Variants in ARL8B observed in about 807,000 individuals in gnomAD.
ARL8B encodes the protein ADP-ribosylation factor-like protein 8B.
A neutral mutation model predicts 30.6 loss-of-function variants in ARL8B; 9 were observed. That is an observed-to-expected ratio of 0.29 (90% CI 0.18 to 0.51). ARL8B has a LOEUF of 0.51. ARL8B is among the 20% of genes least tolerant of loss of function. The probability of loss-of-function intolerance (pLI) is 0.97; values close to 1 mark genes in which losing one functional copy is unlikely to be tolerated. For synonymous variants in ARL8B, 74 were observed against 76.0 expected (o/e 0.97, Z 0.14); for missense variants, 130 against 227.2 (o/e 0.57, Z 2.75).
At chr3:5,130,991 A>G (rs964591591) in intron 1 of ARL8B, among the ~76,000 whole-genome samples, 2 of 149,200 alleles carry the variant, frequency 1.3e-5, no homozygotes, top group Non-Finnish European at 1.5e-5. Context: ...CCATGCTGGG[A>G]GTGCAGTGGC....
Position 5,163,384 on chromosome 3 carries a change from T to G in ARL8B, c.124-7119T>G, listed in dbSNP as rs373348887. Among the ~76,000 whole-genome samples, 18 of 152,298 alleles carry G rather than the reference T, an allele frequency of 1.2e-4. No individual in the cohort carries two copies. The South Asian group carries it at 3.7e-3, about 32-fold the overall frequency. ...ACATGTACTTTTTAACTAAAATCCTTTGGGAAGGAATTATGTCTGTGGTTG... is the reference window on the plus strand; with the variant it reads ...ACATGTACTTTTTAACTAAAATCCTGTGGGAAGGAATTATGTCTGTGGTTG... On this transcript the variant is annotated intron_variant, in intron 1 of 6. Transcript: ENST00000256496.
intron 1 of ARL8B, among the ~76,000 whole-genome samples, chr3:5,164,586 G>A (rs2054608603): frequency 6.6e-6 from 1 of 152,184 alleles, no homozygotes; most frequent in African/African-American, 2.4e-5. Context: ...AAACATCGGA[G>A]GGTGAGGCCC....
Position 5,172,804 on chromosome 3 carries a change from T to C in ARL8B, c.372+64T>C, listed in dbSNP as rs1048893025. On this transcript the variant is annotated intron_variant, in intron 4 of 6. Coordinates refer to ENST00000256496, the MANE Select transcript of ARL8B (RefSeq NM_018184.3). Reference sequence around the variant, plus strand: ...ATAATGATATTAATTATGGTAATTATGCAGTGATATTAATTATGTTTGAAA... The same window carrying C: ...ATAATGATATTAATTATGGTAATTACGCAGTGATATTAATTATGTTTGAAA... 3 of 1,032,686 alleles carry C rather than the reference T, an allele frequency of 2.9e-6. No homozygotes were observed. The African/African-American group carries it at 4.9e-5, about 17-fold the overall frequency. 64.0% of individuals were successfully genotyped at this position (1,032,686 alleles called of 1,614,324 possible).
chr3:5,166,649 T>C (rs192835207), intron 1 of ARL8B, among the ~76,000 whole-genome samples: 22 of 152,308 alleles, frequency 1.4e-4, no homozygotes, highest in African/African-American at 5.3e-4. Flanking sequence ...TCTTAAGATA[T>C]CTTTAGTAAA....
At chr3:5,162,470 T>A (rs2054591693) in intron 1 of ARL8B, among the ~76,000 whole-genome samples, 1 of 152,230 alleles carries the variant, frequency 6.6e-6, no homozygotes, top group South Asian at 2.1e-4. Flanking sequence ...AATGATAATC[T>A]TGGAATGTTA....
chr3:5,159,579 G>A (rs1176950181), intron 1 of ARL8B, among the ~76,000 whole-genome samples: 2 of 131,228 alleles, frequency 1.5e-5, no homozygotes, highest in Non-Finnish European at 3.1e-5. Flanking sequence ...TCTAGCCTGG[G>A]CAACAAGAAT....
chr3:5,144,550 T>C (rs531145277), intron 1 of ARL8B, among the ~76,000 whole-genome samples: 13 of 152,324 alleles, frequency 8.5e-5, no homozygotes, highest in African/African-American at 3.1e-4. Flanking sequence ...GGTTTACTTA[T>C]TTCTCTCCCA....
intron 1 of ARL8B, among the ~76,000 whole-genome samples, chr3:5,144,746 T>A (rs1033695760): frequency 3.3e-5 from 5 of 152,204 alleles, no homozygotes; most frequent in Admixed American, 6.5e-5. Context: ...TCCTACAGCT[T>A]CTATAGTGTT....
chr3:5,132,112 C>T (rs1450980807), intron 1 of ARL8B, among the ~76,000 whole-genome samples: 1 of 152,172 alleles, frequency 6.6e-6, no homozygotes, highest in African/African-American at 2.4e-5. Flanking sequence ...TGATCTTGAA[C>T]TACTGGGCTC....
intron 1 of ARL8B, among the ~76,000 whole-genome samples, chr3:5,162,964 G>A (rs1293453083): frequency 6.7e-6 from 1 of 148,308 alleles, no homozygotes; most frequent in Admixed American, 6.7e-5. Flanking sequence ...TTATGTCTGT[G>A]TGTACTCAGT....
intron 1 of ARL8B, among the ~76,000 whole-genome samples, chr3:5,145,778 T>G (rs1479374599): frequency 6.6e-6 from 1 of 152,038 alleles, no homozygotes; most frequent in African/African-American, 2.4e-5. Flanking sequence ...CAACAGCCAG[T>G]TAAACCTAAA....
chr3:5,148,669 A>G (rs1219404411), intron 1 of ARL8B, among the ~76,000 whole-genome samples: 2 of 152,082 alleles, frequency 1.3e-5, no homozygotes, highest in African/African-American at 2.4e-5. Flanking sequence ...GTGAGGATGG[A>G]GTTTTATCAT....
chr3:5,157,385 C>T (rs1227487339), intron 1 of ARL8B, among the ~76,000 whole-genome samples: 8 of 152,344 alleles, frequency 5.3e-5, no homozygotes, highest in Middle Eastern at 3.4e-3. Flanking sequence ...TCTCCCACTT[C>T]CTGGTCCTGA....
chr3:5,128,429 C>T (rs1175282258), intron 1 of ARL8B: 7 of 453,540 alleles, frequency 1.5e-5, no homozygotes, highest in Non-Finnish European at 3.1e-5. Flanking sequence ...TACCCTTCAT[C>T]CCCGCTCCAA....
At chr3:5,122,824 A>T (rs2054194384) in intron 1 of ARL8B, among the ~76,000 whole-genome samples, 1 of 152,180 alleles carries the variant, frequency 6.6e-6, no homozygotes, top group Non-Finnish European at 1.5e-5. Flanking sequence ...GACATTTTCC[A>T]AGGGCTGTGT....
intron 1 of ARL8B, among the ~76,000 whole-genome samples, chr3:5,154,218 C>G (rs913184074): frequency 1.3e-5 from 2 of 149,432 alleles, no homozygotes; most frequent in African/African-American, 4.9e-5. Flanking sequence ...CTGAATTACT[C>G]TCTCTCTTAT....
chr3:5,155,375 T>C (rs976443100), intron 1 of ARL8B, among the ~76,000 whole-genome samples: 2 of 152,220 alleles, frequency 1.3e-5, no homozygotes, highest in Non-Finnish European at 2.9e-5. Flanking sequence ...TGTCTTGGTA[T>C]AGATCTCTTT....
intron 4 of ARL8B, among the ~76,000 whole-genome samples, 158 bp from the exon 5 acceptor site, chr3:5,173,859 A>C (rs1040327105): frequency 6.6e-6 from 1 of 152,260 alleles, no homozygotes; most frequent in East Asian, 1.9e-4. Flanking sequence ...AAGTGTGAGC[A>C]ATGAAATGAA....
intron 4 of ARL8B, among the ~76,000 whole-genome samples, chr3:5,173,742 C>T (rs1362097052): frequency 6.7e-6 from 1 of 149,954 alleles, no homozygotes; most frequent in African/African-American, 2.5e-5. Flanking sequence ...AACAAACAAA[C>T]AAAAAGAATA....
Sources: allele counts gnomAD v4.1 joint callset (sites outside exome capture counted in the v4.1 genomes callset), GRCh38; gene constraint gnomAD v4.1.1; transcripts MANE v1.5; gene names NCBI Gene and HGNC (gene_info 2026-07-23, HGNC 2026-07-21).